Variants in GPC6 observed in about 807,000 individuals in gnomAD.
The protein encoded by GPC6 is glypican-6.
GPC6 carries 14 observed loss-of-function variants against 55.2 expected under a neutral mutation model. The ratio of observed to expected loss-of-function variants is 0.25; its 90% confidence interval spans 0.17 to 0.40. The LOEUF (loss-of-function observed/expected upper bound fraction) is 0.40, where lower values mean the gene tolerates loss of function less well. GPC6 is among the 10% of genes least tolerant of loss of function. GPC6 has a pLI of 1.00. For missense variants in GPC6, 641 were observed against 708.5 expected, an observed-to-expected ratio of 0.90 and a Z score of 1.08; for synonymous variants, 278 against 259.6, an observed-to-expected ratio of 1.07 and a Z score of -0.68.
intron 3 of GPC6, among the ~76,000 whole-genome samples, chr13:93,932,395 A>G (rs941867329): frequency 3.9e-5 from 6 of 152,266 alleles, no homozygotes; most frequent in African/African-American, 1.4e-4. Context: ...TTCTAGATTG[A>G]TGTGGAAATC....
chr13:94,251,507 A>G lies in GPC6; in HGVS notation c.878-34842A>G, dbSNP rs565106768. ...ACTGGTTAGTTTGCCAGCAGAATTG[A>G]GAAAGACTATACAAAGCCCCCAAAT... On this transcript the variant is annotated intron_variant, in intron 4 of 8. Coordinates refer to ENST00000377047, the MANE Select transcript of GPC6 (RefSeq NM_005708.5). Among the ~76,000 whole-genome samples, 5 of 151,480 alleles carry G rather than the reference A, an allele frequency of 3.3e-5. No individual in the cohort carries two copies. The East Asian group carries it at 9.7e-4, about 29-fold the overall frequency.
chr13:94,318,442 A>G (rs773745707), intron 6 of GPC6, among the ~76,000 whole-genome samples: 12 of 152,210 alleles, frequency 7.9e-5, no homozygotes, highest in Non-Finnish European at 1.8e-4. Flanking sequence ...AATAACTAAT[A>G]ATAAAATAGG....
chr13:93,927,353 A>G (rs568595320), intron 3 of GPC6, among the ~76,000 whole-genome samples: 1 of 152,330 alleles, frequency 6.6e-6, no homozygotes, highest in Non-Finnish European at 1.5e-5. Flanking sequence ...CAGGAAGGAC[A>G]TATTTTCCTT....
chr13:93,718,990 G>A (rs1478656265), intron 2 of GPC6, among the ~76,000 whole-genome samples: 1 of 151,936 alleles, frequency 6.6e-6, no homozygotes, highest in Non-Finnish European at 1.5e-5. Context: ...CTGTAACCTT[G>A]TATTATAGTT....
intron 1 of GPC6, among the ~76,000 whole-genome samples, chr13:93,489,305 G>A (rs7998238): frequency 6.6e-6 from 1 of 151,074 alleles, no homozygotes; most frequent in Non-Finnish European, 1.5e-5. Context: ...ATTTCTGAGG[G>A]CTCTGTTCTG....
chr13:93,342,766 G>A (rs1339848063), intron 1 of GPC6, among the ~76,000 whole-genome samples: 3 of 152,194 alleles, frequency 2.0e-5, no homozygotes, highest in African/African-American at 4.8e-5. Context: ...ACACATTGCA[G>A]CAGGAAGAGA....
chr13:94,214,896 G>A (rs1320335954), intron 4 of GPC6, among the ~76,000 whole-genome samples: 1 of 152,136 alleles, frequency 6.6e-6, no homozygotes, highest in African/African-American at 2.4e-5. Context: ...CAGCACTTGG[G>A]CTAAGACACA....
chr13:93,914,615 T>A (rs1877195183), intron 3 of GPC6, among the ~76,000 whole-genome samples: 1 of 152,254 alleles, frequency 6.6e-6, no homozygotes, highest in South Asian at 2.1e-4. Flanking sequence ...CTGACCTCTG[T>A]GTTATTAGAA....
chr13:94,229,995 TAGC>T (rs1292998265), intron 4 of GPC6, among the ~76,000 whole-genome samples: 1 of 152,124 alleles, frequency 6.6e-6, no homozygotes, highest in Non-Finnish European at 1.5e-5. Context: ...GATGGTGTGG[TAGC>T]AGGAAAAGAA....
intron 4 of GPC6, among the ~76,000 whole-genome samples, chr13:94,188,248 G>T (rs756851004): frequency 3.3e-5 from 5 of 152,176 alleles, no homozygotes. Context: ...GTGACACAAA[G>T]AGGGGAGTGG....
intron 3 of GPC6, among the ~76,000 whole-genome samples, chr13:93,972,531 G>T (rs1045550748): frequency 1.3e-5 from 2 of 152,086 alleles, no homozygotes; most frequent in African/African-American, 2.4e-5. Context: ...CTTTTCCATT[G>T]CTCTCTGTTG....
chr13:93,288,975 A>C (rs1253996807), intron 1 of GPC6, among the ~76,000 whole-genome samples: 5 of 152,206 alleles, frequency 3.3e-5, no homozygotes, highest in Admixed American at 6.5e-5. Context: ...GAGTTATGAC[A>C]ATGAGAGCAG....
chr13:93,950,796 CT>C (rs879256541), intron 3 of GPC6, among the ~76,000 whole-genome samples: 288 of 144,902 alleles, frequency 2.0e-3, no homozygotes, highest in Admixed American at 3.3e-3. Context: ...TGGGAAATTT[CT>C]TTTTTTTTTT....
chr13:93,811,732 T>C (rs768112163), intron 2 of GPC6, among the ~76,000 whole-genome samples: 2 of 152,176 alleles, frequency 1.3e-5, no homozygotes, highest in Non-Finnish European at 1.5e-5. Flanking sequence ...ATTTGACTAA[T>C]TAAAATTATG....
At position 93,987,170 on chromosome 13, in the gene GPC6, C is replaced by T. The variant is rs534212946; in HGVS notation, c.712-40559C>T. Among the ~76,000 whole-genome samples, 5 of 152,198 alleles carry T rather than the reference C, an allele frequency of 3.3e-5. No homozygotes were observed. The South Asian group carries it at 6.2e-4, about 19-fold the overall frequency. ...ATTCATAGTAAAGACTCAATATCTA[C>T]GAACATATTTCTTTGGACATAAGAA... On this transcript the variant is annotated intron_variant, in intron 3 of 8. Transcript: ENST00000377047.
chr13:94,083,585 G>A (rs1885183626), intron 4 of GPC6, among the ~76,000 whole-genome samples: 1 of 152,210 alleles, frequency 6.6e-6, no homozygotes, highest in African/African-American at 2.4e-5. Flanking sequence ...GCACTTGATA[G>A]ACATTGAGCA....
At chr13:93,264,114 A>G (rs1362600043) in intron 1 of GPC6, among the ~76,000 whole-genome samples, 1 of 152,078 alleles carries the variant, frequency 6.6e-6, no homozygotes, top group Non-Finnish European at 1.5e-5. Context: ...TGGGCTTTCT[A>G]ACTTCAGATG....
intron 1 of GPC6, among the ~76,000 whole-genome samples, chr13:93,526,807 G>T (rs1677588005): frequency 6.6e-6 from 1 of 152,074 alleles, no homozygotes; most frequent in African/African-American, 2.4e-5. Flanking sequence ...TAGGTTAAAT[G>T]ATATTGATTT....
At chr13:93,810,947 C>T (rs965491111) in intron 2 of GPC6, among the ~76,000 whole-genome samples, 10 of 152,140 alleles carry the variant, frequency 6.6e-5, no homozygotes, top group African/African-American at 2.4e-4. Context: ...ACTGCATGGT[C>T]GTATTCAAAC....
Sources: allele counts gnomAD v4.1 joint callset (sites outside exome capture counted in the v4.1 genomes callset), GRCh38; gene constraint gnomAD v4.1.1; transcripts MANE v1.5; gene names NCBI Gene and HGNC (gene_info 2026-07-23, HGNC 2026-07-21).